Variants in EML5 observed in about 807,000 individuals in gnomAD.
EML5 encodes the protein echinoderm microtubule-associated protein-like 5.
In EML5, 120 loss-of-function variants were observed where a neutral mutation model predicts 250.0. That is an observed-to-expected ratio of 0.48 (90% CI 0.41 to 0.56). EML5 has a LOEUF of 0.56. Among genes scored for constraint, EML5 ranks in the 20% least tolerant of loss-of-function variants. The probability of loss-of-function intolerance (pLI) is 0.00; values close to 1 mark genes in which losing one functional copy is unlikely to be tolerated. For missense variants in EML5, 2,006 were observed against 2,437.6 expected (o/e 0.82, Z 3.73); for synonymous variants, 771 against 806.5 (o/e 0.96, Z 0.75).
At chr14:88,626,659 T>TTTCACTCCC in intron 35 of EML5, 179 bp downstream of exon 35, 1 of 684,678 alleles carries the variant, frequency 1.5e-6, no homozygotes, top group South Asian at 2.1e-5. Context: ...TTAACATTCT[T>TTTCACTCCC]TTCACTCCCT....
At chr14:88,697,732 T>G (rs1323104547) in intron 14 of EML5, among the ~76,000 whole-genome samples, 1 of 152,130 alleles carries the variant, frequency 6.6e-6, no homozygotes, top group East Asian at 1.9e-4. Context: ...GAGACTGATT[T>G]ATTTATTTTT....
intron 8 of EML5, among the ~76,000 whole-genome samples, chr14:88,719,039 G>A (rs1177803450): frequency 6.6e-6 from 1 of 152,192 alleles, no homozygotes; most frequent in Non-Finnish European, 1.5e-5. Flanking sequence ...TTGATAAAAT[G>A]TGGTAGTAAC....
intron 30 of EML5, 133 bp downstream of exon 30, chr14:88,644,300 T>G: frequency 1.4e-6 from 1 of 712,402 alleles, no homozygotes; most frequent in South Asian, 2.1e-5. Flanking sequence ...CAGACTTACA[T>G]AAGAATTAAG....
rs1164533910 is a variant in EML5, at chr14:88,657,497, C to A, written c.3883G>T (p.Asp1295Tyr). Reference protein sequence around the residue: ...DIDSEEDGGYDSDVTRENEIS... With the variant: ...DIDSEEDGGYYSDVTRENEIS... Reference sequence around the variant, plus strand: ...TCATTCTCCCTTGTAACATCACTGTCATAGCCTACAATAAAAATATACGAG... The same window carrying A: ...TCATTCTCCCTTGTAACATCACTGTAATAGCCTACAATAAAAATATACGAG... Residue 1295 changes from aspartate (D) to tyrosine (Y), a missense_variant, in exon 27 of 44, where the codon GAC (aspartate) becomes TAC (tyrosine). By Grantham distance (160) the Asp-to-Tyr change is radical. This residue lies in a region of EML5 where 1,375 missense variants were observed against 1,590.3 expected (regional missense o/e 0.86). Transcript: ENST00000554922. 3 of 1,596,042 alleles carry A rather than the reference C, an allele frequency of 1.9e-6. No homozygotes were observed. The highest frequency in any genetic ancestry group is 2.3e-5 in the South Asian group (2 of 86,730).
rs2094618485 is a variant in EML5 at position 88,792,294 on chromosome 14, C to T, written c.197+13G>A. ...CTTGCAGGGTGACGGCGGCGGCCCC[C>T]GCTCCCCGGTACCTGATGATGTCGT... On this transcript the variant is annotated intron_variant, in intron 1 of 43. Transcript: ENST00000554922. The surrounding 1 kb of genome is among the most constrained non-coding windows in gnomAD (Gnocchi z 6.9). 6.5e-7 allele frequency: 1 copy of T among 1,546,684 alleles called. No homozygotes were observed. Among genetic ancestry groups the T allele is most frequent in the Non-Finnish European group, 8.7e-7 (1 of 1,147,400 alleles).
rs759729873 is a variant in EML5, at chr14:88,615,828, G to A, written c.5924C>T (p.Thr1975Ile). 3 of 1,611,890 alleles carry A rather than the reference G, an allele frequency of 1.9e-6. No individual in the cohort carries two copies. The highest frequency in any genetic ancestry group is 1.7e-4 in the Middle Eastern group (1 of 6,060). The change falls in exon 44 of 44, where the codon ACA becomes ATA. Residue 1975 changes from threonine (T) to isoleucine (I), a missense_variant. Physicochemically the swap from Thr to Ile is moderately conservative, Grantham distance 89. Transcript: ENST00000554922. ...TCATCTCAGCATCTCTCAGTGAGGT[G>A]TATGTACACATTTCCAGACAAATAA... ...CSLFVWKCVH[T>I]PH
rs8006786 is a variant in EML5, at chr14:88,631,338, C to A, written c.4357+3131G>T. ...AATTAATCTACCTACCTCAACCTTC[C>A]GAGTAGCTGGATCTACAGGCACATG... On this transcript the variant is annotated intron_variant, in intron 33 of 43. Transcript: ENST00000554922. Among the ~76,000 whole-genome samples, 471 of 152,316 alleles carry A rather than the reference C, an allele frequency of 3.1e-3. 1 individual carries two copies. Among genetic ancestry groups the A allele is most frequent in the African/African-American group, 0.011 (440 of 41,574 alleles).
At position 88,702,651 on chromosome 14, in the gene EML5, C is replaced by T; in HGVS notation, c.2052-19G>A. 6.7e-7 allele frequency: 1 copy of T among 1,495,706 alleles called. No individual in the cohort carries two copies. Among genetic ancestry groups the T allele is most frequent in the Non-Finnish European group, 8.9e-7 (1 of 1,117,656 alleles). The allele number at this position is 1,495,706 out of a possible 1,614,324, so 92.7% of individuals were successfully genotyped here. Reference sequence around the variant, plus strand: ...TCTGTAACTAATATAGAAAACAAATCATATATAATTAATTTTGGCCTTTTA... The same window carrying T: ...TCTGTAACTAATATAGAAAACAAATTATATATAATTAATTTTGGCCTTTTA... On this transcript the variant is annotated intron_variant, in intron 13 of 43. Coordinates refer to ENST00000554922, the MANE Select transcript of EML5 (RefSeq NM_183387.3).
intron 1 of EML5, among the ~76,000 whole-genome samples, chr14:88,759,183 AT>A (rs1471680195): frequency 6.6e-6 from 1 of 151,548 alleles, no homozygotes; most frequent in Non-Finnish European, 1.5e-5. Flanking sequence ...GTGAAAAAAA[AT>A]ACTGACATTA....
chr14:88,754,470 C>T (rs774394248), intron 2 of EML5, 42 bp downstream of exon 2: 1 of 1,515,146 alleles, frequency 6.6e-7, no homozygotes, highest in African/African-American at 1.4e-5. Flanking sequence ...TATAATATAC[C>T]TTAACATACA....
intron 33 of EML5, among the ~76,000 whole-genome samples, chr14:88,631,970 T>C (rs958223107): frequency 6.6e-6 from 1 of 152,206 alleles, no homozygotes; most frequent in African/African-American, 2.4e-5. Context: ...AAAATGGAAG[T>C]CATCAGACAG....
chr14:88,708,491 A>C (rs2093354222), intron 10 of EML5, among the ~76,000 whole-genome samples: 1 of 152,168 alleles, frequency 6.6e-6, no homozygotes, highest in African/African-American at 2.4e-5. Context: ...ATTTGAAGAA[A>C]GAGAAAAAGA....
At chr14:88,740,362 G>A (rs1397424126) in intron 5 of EML5, 25 bp downstream of exon 5, 1 of 1,579,680 alleles carries the variant, frequency 6.3e-7, no homozygotes, top group African/African-American at 1.4e-5. Flanking sequence ...ACATGAAAGT[G>A]TTTAAAATAC....
intron 41 of EML5, 176 bp downstream of exon 41, chr14:88,618,052 G>A (rs995706991): frequency 1.2e-5 from 5 of 413,024 alleles, no homozygotes; most frequent in Admixed American, 1.2e-4. Context: ...GATAAAACAT[G>A]GAAATATATT....
chr14:88,643,603 G>A (rs1282781086), intron 30 of EML5, among the ~76,000 whole-genome samples: 1 of 152,098 alleles, frequency 6.6e-6, no homozygotes, highest in Non-Finnish European at 1.5e-5. Flanking sequence ...GACATAGAGG[G>A]ACTGTATTTT....
In EML5 at chr14:88,699,959, C is replaced by T. The variant is rs911155327; in HGVS notation, c.2238+2487G>A. Among the ~76,000 whole-genome samples the T allele has an allele frequency of 1.3e-4, 19 of 151,976 alleles. No individual in the cohort carries two copies. In the East Asian group the frequency reaches 3.5e-3, roughly 28 times the overall value. On this transcript the variant is annotated intron_variant, in intron 14 of 43. Coordinates refer to ENST00000554922, the MANE Select transcript of EML5 (RefSeq NM_183387.3). ...TTTTAGTGAATTATATCTATATATA[C>T]ACACACACATATATACACACACACA...
intron 20 of EML5, among the ~76,000 whole-genome samples, chr14:88,682,985 T>C (rs540096090): frequency 6.6e-6 from 1 of 150,934 alleles, no homozygotes; most frequent in East Asian, 1.9e-4. Context: ...GAAATCCAGA[T>C]AGCTCCTAAT....
intron 24 of EML5, among the ~76,000 whole-genome samples, 173 bp from the exon 25 acceptor site, chr14:88,662,003 T>C (rs2092117489): frequency 6.6e-6 from 1 of 152,204 alleles, no homozygotes. Flanking sequence ...CAGAGCCTAC[T>C]AATTGCTGCA....
At chr14:88,709,859 C>G (rs554564973) in intron 10 of EML5, among the ~76,000 whole-genome samples, 1 of 152,130 alleles carries the variant, frequency 6.6e-6, no homozygotes, top group Non-Finnish European at 1.5e-5. Flanking sequence ...AAGCTACACG[C>G]AACAATATGG....
Sources: allele counts gnomAD v4.1 joint callset (sites outside exome capture counted in the v4.1 genomes callset), GRCh38; gene constraint gnomAD v4.1.1; regional missense constraint gnomAD v4.1.1; non-coding constraint Gnocchi (gnomAD v3.1); transcripts MANE v1.5; gene names NCBI Gene and HGNC (gene_info 2026-07-23, HGNC 2026-07-21).